ANKRD22: variants seen among roughly 807,000 people sequenced by gnomAD.
ANKRD22 encodes ankyrin repeat domain-containing protein 22.
ANKRD22 carries 24 observed loss-of-function variants against 25.7 expected under a neutral mutation model. The observed-to-expected ratio is 0.93, with a 90% CI of 0.68 to 1.31. The LOEUF (loss-of-function observed/expected upper bound fraction) is 1.31, where lower values mean the gene tolerates loss of function less well. Ranked by LOEUF, ANKRD22 falls within the 50% of genes most tolerant of loss-of-function variation. ANKRD22 has a pLI of 0.00. For missense variants in ANKRD22, 214 were observed against 227.1 expected (o/e 0.94, Z 0.37); for synonymous variants, 84 against 84.3 (o/e 1.00, Z 0.02).
At chr10:88,843,798 G>A (rs1366157365) in intron 1 of ANKRD22, among the ~76,000 whole-genome samples, 1 of 152,084 alleles carries the variant, frequency 6.6e-6, no homozygotes, top group Non-Finnish European at 1.5e-5. Context: ...GAAAACAAAT[G>A]TTTTATTCTT....
rs182350661 is a variant in ANKRD22, at chr10:88,846,307, G to A, written c.21+5280C>T. Among the ~76,000 whole-genome samples, 195 of 152,192 alleles carry A rather than the reference G, an allele frequency of 1.3e-3. 2 individuals carry two copies. Among genetic ancestry groups the A allele is most frequent in the African/African-American group, 4.3e-3 (178 of 41,540 alleles). ...ACAGCATATACAACATCCTTTATGCGAAACACCCACACCTATGTTCACTGC... is the reference window on the plus strand; with the variant it reads ...ACAGCATATACAACATCCTTTATGCAAAACACCCACACCTATGTTCACTGC... On this transcript the variant is annotated intron_variant, in intron 1 of 5. Transcript: ENST00000371930.
Position 88,820,467 on chromosome 10 carries a change from A to G in ANKRD22, c.*2474T>C. The G allele has an allele frequency of 6.4e-7, 1 of 1,551,662 alleles. No individual in the cohort carries two copies. Among genetic ancestry groups the G allele is most frequent in the Non-Finnish European group, 8.7e-7 (1 of 1,146,998 alleles). ...CATCTGATGCAGCAGGAGGAGACCA[A>G]CCTTTCCCAGGGACGGTGTGAGGCC... On this transcript the variant is annotated 3_prime_UTR_variant, in exon 6 of 6. Coordinates refer to ENST00000371930, the MANE Select transcript of ANKRD22 (RefSeq NM_144590.3).
rs147356550 is a variant in ANKRD22, at chr10:88,834,636, T to C, written c.22-2610A>G. On this transcript the variant is annotated intron_variant, in intron 1 of 5. Coordinates refer to ENST00000371930, the MANE Select transcript of ANKRD22 (RefSeq NM_144590.3). ...TTAATCTGGCTTTCCAGCTTCTCTTTAAAAATGGAAAGTTTTGGCTGGGCG... is the reference window on the plus strand; with the variant it reads ...TTAATCTGGCTTTCCAGCTTCTCTTCAAAAATGGAAAGTTTTGGCTGGGCG... Among the ~76,000 whole-genome samples, 874 of 152,322 alleles carry C rather than the reference T, an allele frequency of 5.7e-3. 9 individuals carry two copies. The highest frequency in any genetic ancestry group is 0.019 in the African/African-American group (804 of 41,578).
intron 1 of ANKRD22, among the ~76,000 whole-genome samples, chr10:88,837,227 AG>A (rs1261648382): frequency 2.0e-5 from 3 of 152,218 alleles, no homozygotes; most frequent in Non-Finnish European, 2.9e-5. Flanking sequence ...CTTCATGCTA[AG>A]TTTCCTTCTG....
chr10:88,840,018 C>A (rs540000298), intron 1 of ANKRD22, among the ~76,000 whole-genome samples: 2 of 152,074 alleles, frequency 1.3e-5, no homozygotes, highest in African/African-American at 4.8e-5. Flanking sequence ...AGAAACAAGC[C>A]CCCCATAATG....
At chr10:88,823,143 A>T in intron 5 of ANKRD22, 125 bp from the exon 6 acceptor site, 1 of 1,229,238 alleles carries the variant, frequency 8.1e-7, no homozygotes, top group South Asian at 1.3e-5. Context: ...TAGTAATAGG[A>T]TAACTTCATT....
rs1313206826 is a variant in ANKRD22 at position 88,823,279 on chromosome 10, C to G, written c.498+1G>C. ...TCAGACCACGGTCCACCCTCCCTTACCTTATTCTTTATTGTGGGGTCTGCA... is the reference window on the plus strand; with the variant it reads ...TCAGACCACGGTCCACCCTCCCTTAGCTTATTCTTTATTGTGGGGTCTGCA... On this transcript the variant is annotated splice_donor_variant, in intron 5 of 5. Coordinates refer to ENST00000371930, the MANE Select transcript of ANKRD22 (RefSeq NM_144590.3). LOFTEE classifies it high-confidence loss of function. 2.0e-5 allele frequency: 32 copies of G among 1,610,208 alleles called. No homozygotes were observed. The highest frequency in any genetic ancestry group is 2.7e-5 in the Non-Finnish European group (32 of 1,176,516).
intron 3 of ANKRD22, 62 bp from the exon 4 acceptor site, chr10:88,826,177 G>A: frequency 7.3e-7 from 1 of 1,378,990 alleles, no homozygotes. Flanking sequence ...ATTTATGCCT[G>A]AGACTATTTA....
At position 88,820,126 on chromosome 10, in the gene ANKRD22, C is replaced by G; in HGVS notation, c.*2815G>C. ...TTGTGTGGCTCTAACACCCATGTAC[C>G]CTTCACCACAACAGATGGCATGTTT... On this transcript the variant is annotated 3_prime_UTR_variant, in exon 6 of 6. Coordinates refer to ENST00000371930, the MANE Select transcript of ANKRD22 (RefSeq NM_144590.3). The G allele has an allele frequency of 2.2e-6, 2 of 900,224 alleles. No homozygotes were observed. The highest frequency in any genetic ancestry group is 3.3e-6 in the Non-Finnish European group (2 of 602,856). The allele number at this position is 900,224 out of a possible 1,614,324, so 55.8% of individuals were successfully genotyped here.
intron 1 of ANKRD22, among the ~76,000 whole-genome samples, chr10:88,850,520 A>G (rs887733138): frequency 3.3e-5 from 5 of 152,088 alleles, no homozygotes; most frequent in Admixed American, 3.3e-4. Context: ...TAAAAAGTAT[A>G]CTTTTGTATC....
At chr10:88,824,110 C>T (rs747138959) in intron 4 of ANKRD22, among the ~76,000 whole-genome samples, 1 of 152,200 alleles carries the variant, frequency 6.6e-6, no homozygotes, top group Non-Finnish European at 1.5e-5. Flanking sequence ...CTGAAGAAGT[C>T]GGGTGCTCTT....
At chr10:88,838,403 G>T (rs1451211943) in intron 1 of ANKRD22, among the ~76,000 whole-genome samples, 1 of 152,132 alleles carries the variant, frequency 6.6e-6, no homozygotes, top group African/African-American at 2.4e-5. Flanking sequence ...AAAGACAAAT[G>T]AACTTGCAAA....
chr10:88,838,238 G>T (rs1223004650), intron 1 of ANKRD22, among the ~76,000 whole-genome samples: 3 of 152,156 alleles, frequency 2.0e-5, no homozygotes, highest in Admixed American at 1.3e-4. Context: ...ATGTGAGTTT[G>T]TGATTTTCTT....
chr10:88,849,664 T>G (rs1844085327), intron 1 of ANKRD22, among the ~76,000 whole-genome samples: 1 of 152,160 alleles, frequency 6.6e-6, no homozygotes, highest in Non-Finnish European at 1.5e-5. Context: ...TATAAAGTGC[T>G]TAAAATAGGG....
Position 88,834,238 on chromosome 10 carries a change from T to G in ANKRD22, c.22-2212A>C, listed in dbSNP as rs1178747048. On this transcript the variant is annotated intron_variant, in intron 1 of 5. Coordinates refer to ENST00000371930, the MANE Select transcript of ANKRD22 (RefSeq NM_144590.3). ...CAGTGTTAAGTCACCAACTCTTAAT[T>G]TTTCAATTAAATGTATTTAAAACAA... Among the ~76,000 whole-genome samples the G allele has an allele frequency of 2.0e-5, 3 of 152,184 alleles. No homozygotes were observed. The East Asian group carries it at 5.8e-4, about 29-fold the overall frequency.
intron 2 of ANKRD22, among the ~76,000 whole-genome samples, chr10:88,829,624 T>C (rs1408512625): frequency 1.3e-5 from 2 of 151,976 alleles, no homozygotes; most frequent in African/African-American, 4.8e-5. Flanking sequence ...TTCAGAAACG[T>C]ATATTTAGAA....
chr10:88,828,844 C>T (rs10887860), intron 2 of ANKRD22, among the ~76,000 whole-genome samples, 178 bp from the exon 3 acceptor site: 58,942 of 151,948 alleles, frequency 0.39, 12,972 homozygotes, highest in Middle Eastern at 0.53. Context: ...ACAGAGAACT[C>T]GGTCCAGTGT....
chr10:88,847,037 G>A (rs942775901), intron 1 of ANKRD22, among the ~76,000 whole-genome samples: 7 of 152,206 alleles, frequency 4.6e-5, no homozygotes, highest in African/African-American at 1.2e-4. Flanking sequence ...TCAGTTCATC[G>A]TGATAGATCT....
Position 88,821,157 on chromosome 10 carries a change from C to T in ANKRD22, c.*1784G>A, listed in dbSNP as rs899941285. ...GCATTTCAGTGTCTAGATTCTAGTC[C>T]AAGCTTGTTGGAAGGTTTACAGCTT... On this transcript the variant is annotated 3_prime_UTR_variant, in exon 6 of 6. Transcript: ENST00000371930. 1.3e-5 allele frequency among the ~76,000 whole-genome samples: 2 copies of T among 152,120 alleles called. No individual in the cohort carries two copies. Among genetic ancestry groups the T allele is most frequent in the Non-Finnish European group, 2.9e-5 (2 of 68,022 alleles).
Sources: gnomAD v4.1 joint callset for allele counts (sites outside exome capture counted in the v4.1 genomes callset) on GRCh38, gnomAD v4.1.1 for gene constraint, MANE v1.5 for transcripts, NCBI Gene and HGNC (gene_info 2026-07-23, HGNC 2026-07-21) for gene names.